The following INSR variants were observed in gnomAD, a reference collection of about 807,000 sequenced individuals.
The protein encoded by INSR is IR.
A neutral mutation model predicts 142.6 loss-of-function variants in INSR; 67 were observed. The ratio of observed to expected loss-of-function variants is 0.47; its 90% confidence interval spans 0.39 to 0.58. INSR has a LOEUF of 0.58. INSR is among the 20% of genes least tolerant of loss of function. The pLI, the probability that INSR is intolerant of heterozygous loss-of-function variation, is 0.00. For synonymous variants in INSR, 756 were observed against 743.1 expected, an observed-to-expected ratio of 1.02 and a Z score of -0.28; for missense variants, 1,248 against 1,833.2, an observed-to-expected ratio of 0.68 and a Z score of 5.83.
chr19:7,263,115 T>C (rs35571068), intron 2 of INSR, among the ~76,000 whole-genome samples: 26,314 of 151,912 alleles, frequency 0.17, 3,185 homozygotes, highest in African/African-American at 0.34. Flanking sequence ...CCCTCTGTCC[T>C]GAAAATACAA....
chr19:7,261,140 G>A (rs1205151568), intron 2 of INSR, among the ~76,000 whole-genome samples: 1 of 151,938 alleles, frequency 6.6e-6, no homozygotes, highest in Non-Finnish European at 1.5e-5. Context: ...TGCCCTCCTC[G>A]GCCTCCCAAA....
At chr19:7,194,412 A>G (rs1974681910) in intron 2 of INSR, among the ~76,000 whole-genome samples, 2 of 68,432 alleles carry the variant, frequency 2.9e-5, no homozygotes, top group African/African-American at 1.6e-4. Context: ...ATGAGACTTC[A>G]TCTCAAAAAA....
intron 13 of INSR, among the ~76,000 whole-genome samples, chr19:7,133,328 T>C (rs1388996858): frequency 2.6e-5 from 4 of 152,166 alleles, no homozygotes; most frequent in Non-Finnish European, 5.9e-5. Flanking sequence ...TAAAGTTATG[T>C]TACAGTATAA....
In INSR at chr19:7,294,056, A is replaced by T; in HGVS notation, c.-165T>A. ...CCCCTGCCGGGGAGGGCCCAGAGGC[A>T]GCCCCGGGAAGGGCGCGCGCGGCTT... On this transcript the variant is annotated 5_prime_UTR_variant, in exon 1 of 22. Coordinates refer to ENST00000302850, the MANE Select transcript of INSR (RefSeq NM_000208.4). The T allele has an allele frequency of 1.5e-6, 1 of 675,620 alleles. No individual in the cohort carries two copies. The highest frequency in any genetic ancestry group is 1.9e-6 in the Non-Finnish European group (1 of 521,312). The allele number at this position is 675,620 out of a possible 1,614,324, so 41.9% of individuals were successfully genotyped here. A position where few individuals can be genotyped will look rare whatever the true frequency, so the allele number is the denominator to read the frequency against.
At chr19:7,256,733 G>GA (rs1451421701) in intron 2 of INSR, among the ~76,000 whole-genome samples, 1 of 149,684 alleles carries the variant, frequency 6.7e-6, no homozygotes, top group Non-Finnish European at 1.5e-5. Flanking sequence ...GTCTCAAAAA[G>GA]AAAAAACAAG....
intron 9 of INSR, among the ~76,000 whole-genome samples, chr19:7,162,744 C>T (rs998458131): frequency 1.3e-5 from 2 of 148,330 alleles, no homozygotes; most frequent in Non-Finnish European, 1.5e-5. Context: ...CACTTGAACC[C>T]GAGAGGTGGA....
intron 17 of INSR, among the ~76,000 whole-genome samples, chr19:7,124,046 C>A (rs1419118887): frequency 3.3e-5 from 5 of 151,814 alleles, no homozygotes; most frequent in African/African-American, 1.2e-4. Context: ...ACAGTGAAAC[C>A]CCGTCTCTAC....
chr19:7,121,082 C>T (rs1955075968), intron 19 of INSR, among the ~76,000 whole-genome samples: 1 of 152,030 alleles, frequency 6.6e-6, no homozygotes, highest in Non-Finnish European at 1.5e-5. Flanking sequence ...ACTGCAACCT[C>T]TACCTCCCTG....
chr19:7,117,408 G>T lies in INSR; in HGVS notation c.3797C>A (p.Thr1266Asn). The T allele has an allele frequency of 6.2e-7, 1 of 1,611,790 alleles. No individual in the cohort carries two copies. The highest frequency in any genetic ancestry group is 1.7e-5 in the Admixed American group (1 of 59,968). The change falls in exon 22 of 22, where the codon ACT (threonine) becomes AAT (asparagine). Residue 1266 changes from threonine (T) to asparagine (N), a missense_variant and splice_region_variant. Thr to Asn is a moderately conservative substitution (Grantham distance 65). This residue lies in a region of INSR where 1,069 missense variants were observed against 1,654.0 expected (regional missense o/e 0.65). Transcript: ENST00000302850. The part of the protein sequence containing the change: ...DQPDNCPERV[T>N]DLMRMCWQFN... ...TTGCCAGCACATGCGCATGAGGTCAGTGCTGCGGGGCAGAAGGACACGTCC... is the reference window on the plus strand; with the variant it reads ...TTGCCAGCACATGCGCATGAGGTCATTGCTGCGGGGCAGAAGGACACGTCC...
rs1975738170 is a variant in INSR at position 7,225,045 on chromosome 19, G to A, written c.653-40408C>T. 6.6e-6 allele frequency among the ~76,000 whole-genome samples: 1 copy of A among 152,186 alleles called. No homozygotes were observed. Among genetic ancestry groups the A allele is most frequent in the Admixed American group, 6.5e-5 (1 of 15,272 alleles). Reference sequence around the variant, plus strand: ...CAGCAGGGCAGCAGCAAAGAGGAGAGAGGAGGGGAGAGGGGAGGTTGTGGC... The same window carrying A: ...CAGCAGGGCAGCAGCAAAGAGGAGAAAGGAGGGGAGAGGGGAGGTTGTGGC... On this transcript the variant is annotated intron_variant, in intron 2 of 21. Transcript: ENST00000302850. This position sits in a 1 kb window ranked among gnomAD's most constrained non-coding sequence, Gnocchi z 4.7.
chr19:7,289,130 A>AC (rs1226247691), intron 1 of INSR, among the ~76,000 whole-genome samples: 7 of 151,964 alleles, frequency 4.6e-5, no homozygotes, highest in Non-Finnish European at 8.8e-5. Context: ...GCAATGTCAA[A>AC]CCCAGAGGGG....
chr19:7,293,175 A>T (rs551183328), intron 1 of INSR, among the ~76,000 whole-genome samples: 11 of 152,298 alleles, frequency 7.2e-5, no homozygotes, highest in African/African-American at 2.6e-4. Flanking sequence ...CTTCTGCTAC[A>T]ATTGCTGCTG....
At chr19:7,210,454 G>C (rs1291580480) in intron 2 of INSR, among the ~76,000 whole-genome samples, 1 of 151,670 alleles carries the variant, frequency 6.6e-6, no homozygotes, top group African/African-American at 2.4e-5. Context: ...AAAAACCTAA[G>C]AGCTGAGAAA....
intron 15 of INSR, among the ~76,000 whole-genome samples, chr19:7,127,603 A>G (rs1972676939): frequency 6.6e-6 from 1 of 152,210 alleles, no homozygotes; most frequent in African/African-American, 2.4e-5. Flanking sequence ...CACTGCACTC[A>G]GTAATATTAT....
At chr19:7,233,063 G>A (rs1216808411) in intron 2 of INSR, among the ~76,000 whole-genome samples, 2 of 151,910 alleles carry the variant, frequency 1.3e-5, no homozygotes, top group Admixed American at 6.6e-5. Context: ...TCGCCATCTC[G>A]GCTCACTGCA....
intron 2 of INSR, among the ~76,000 whole-genome samples, chr19:7,201,930 G>T (rs1443992949): frequency 2.0e-5 from 3 of 151,974 alleles, no homozygotes; most frequent in African/African-American, 4.8e-5. Context: ...CAAAGTGTTG[G>T]GATTACAGGC....
At chr19:7,214,232 C>T (rs930741049) in intron 2 of INSR, among the ~76,000 whole-genome samples, 57 of 152,278 alleles carry the variant, frequency 3.7e-4, no homozygotes, top group Admixed American at 3.1e-3. Context: ...GAGGCAATGA[C>T]CTCTTTCCTC....
chr19:7,267,262 T>C lies in INSR; in HGVS notation c.652+83A>G. 1 of 1,455,370 alleles carries C rather than the reference T, an allele frequency of 6.9e-7. No homozygotes were observed. The highest frequency in any genetic ancestry group is 9.6e-7 in the Non-Finnish European group (1 of 1,045,894). The allele number at this position is 1,455,370 out of a possible 1,614,324, so 90.2% of individuals were successfully genotyped here. On this transcript the variant is annotated intron_variant, in intron 2 of 21. Coordinates refer to ENST00000302850, the MANE Select transcript of INSR (RefSeq NM_000208.4). The surrounding 1 kb of genome is among the most constrained non-coding windows in gnomAD (Gnocchi z 6.3). Reference sequence around the variant, plus strand: ...CCCCGGCCCCTACCTAATGACCATTTAACATTTTTAAGCCATAAAACATTT... The same window carrying C: ...CCCCGGCCCCTACCTAATGACCATTCAACATTTTTAAGCCATAAAACATTT...
At chr19:7,117,539 G>A in intron 21 of INSR, 129 bp from the exon 22 acceptor site, 1 of 657,118 alleles carries the variant, frequency 1.5e-6, no homozygotes, top group Non-Finnish European at 2.7e-6. Flanking sequence ...CTGGCTGTGT[G>A]TGTGGACAAT....
Sources: gnomAD v4.1 joint callset for allele counts (sites outside exome capture counted in the v4.1 genomes callset) on GRCh38, gnomAD v4.1.1 for gene constraint, gnomAD v4.1.1 regional missense constraint, Gnocchi (gnomAD v3.1) non-coding constraint, MANE v1.5 for transcripts, NCBI Gene and HGNC (gene_info 2026-07-23, HGNC 2026-07-21) for gene names.